Variants in TMEM11 observed in about 807,000 individuals in gnomAD.
TMEM11 encodes transmembrane protein 11, mitochondrial.
TMEM11 carries 1 observed loss-of-function variant against 17.0 expected under a neutral mutation model. The ratio of observed to expected loss-of-function variants is 0.06; its 90% CI spans 0.02 to 0.28. TMEM11 has a LOEUF of 0.28. TMEM11 is among the 10% of genes least tolerant of loss of function. TMEM11 has a pLI of 1.00. For missense variants in TMEM11, 172 were observed against 252.9 expected (o/e 0.68, Z 2.17); for synonymous variants, 122 against 118.1 (o/e 1.03, Z -0.21).
At chr17:21,202,862 A>G (rs1378897209) in intron 1 of TMEM11, among the ~76,000 whole-genome samples, 3 of 152,208 alleles carry the variant, frequency 2.0e-5, no homozygotes, top group African/African-American at 7.2e-5. Flanking sequence ...TCGCCAGCAC[A>G]CATCCTGAGA....
At chr17:21,204,648 A>C (rs1974923306) in intron 1 of TMEM11, among the ~76,000 whole-genome samples, 1 of 152,026 alleles carries the variant, frequency 6.6e-6, no homozygotes, top group African/African-American at 2.4e-5. Flanking sequence ...ACTGGTCACT[A>C]GGGAGGGAAC....
intron 1 of TMEM11, among the ~76,000 whole-genome samples, chr17:21,202,911 T>C (rs1974898284): frequency 6.6e-6 from 1 of 152,202 alleles, no homozygotes; most frequent in Admixed American, 6.5e-5. Flanking sequence ...TGTCAAACCA[T>C]GGCCCCGGCC....
chr17:21,208,933 T>C (rs955923092), intron 1 of TMEM11, among the ~76,000 whole-genome samples: 5 of 152,206 alleles, frequency 3.3e-5, no homozygotes, highest in African/African-American at 1.2e-4. Context: ...TTTCACTTAG[T>C]GAAAGGGTCA....
Position 21,214,088 on chromosome 17 carries a change from C to G in TMEM11, c.62+3G>C. 1 of 1,609,616 alleles carries G rather than the reference C, an allele frequency of 6.2e-7. No homozygotes were observed. The highest frequency in any genetic ancestry group is 8.5e-7 in the Non-Finnish European group (1 of 1,179,088). On this transcript the variant is annotated splice_donor_region_variant and intron_variant, in intron 1 of 1. Coordinates refer to ENST00000317635, the MANE Select transcript of TMEM11 (RefSeq NM_003876.3). ...CTGGGGGCAACAAGCCCTTGGATCT[C>G]ACCTCTCTCGGGCGCTGCCGCCACT...
At chr17:21,207,404 C>T (rs1287932987) in intron 1 of TMEM11, among the ~76,000 whole-genome samples, 2 of 151,948 alleles carry the variant, frequency 1.3e-5, no homozygotes, top group Non-Finnish European at 2.9e-5. Context: ...GTGGTGCATG[C>T]CTGTGGTCCC....
intron 1 of TMEM11, among the ~76,000 whole-genome samples, chr17:21,203,308 T>G (rs1220868245): frequency 6.6e-6 from 1 of 152,162 alleles, no homozygotes; most frequent in African/African-American, 2.4e-5. Context: ...CCTGGTACAC[T>G]GGTGGGAGTG....
chr17:21,207,724 C>T (rs919899244), intron 1 of TMEM11, among the ~76,000 whole-genome samples: 1 of 151,252 alleles, frequency 6.6e-6, no homozygotes, highest in Non-Finnish European at 1.5e-5. Context: ...CCCGTCTCTA[C>T]TAAAAATACA....
rs762355957 is a variant in TMEM11 at position 21,198,372 on chromosome 17, G to A, written c.531C>T (p.Ala177=). 32 of 1,614,208 alleles carry A rather than the reference G, an allele frequency of 2.0e-5. No homozygotes were observed. The East Asian group carries it at 2.0e-4, about 10-fold the overall frequency. Residue 177 remains alanine, a synonymous_variant, in exon 2 of 2, where the codon GCC becomes GCT. Coordinates refer to ENST00000317635, the MANE Select transcript of TMEM11 (RefSeq NM_003876.3). This position sits in a 1 kb window ranked among gnomAD's most constrained non-coding sequence, Gnocchi z 6.5. ...TCTTCTTTACACAGTACACCAGGGC[G>A]GCCAGTGCTATCGTGTTGTGCAGTC... ...RKRLHNTIAL[A]ALVYCVKKIY...
chr17:21,203,172 TA>T (rs1974901022), intron 1 of TMEM11, among the ~76,000 whole-genome samples: 3 of 152,200 alleles, frequency 2.0e-5, no homozygotes, highest in Non-Finnish European at 2.9e-5. Context: ...TAGGATTCTA[TA>T]AGGCAACAGA....
intron 1 of TMEM11, among the ~76,000 whole-genome samples, chr17:21,211,605 C>T (rs1173602045): frequency 6.6e-6 from 1 of 152,230 alleles, no homozygotes; most frequent in Middle Eastern, 3.2e-3. Context: ...CTGGACCATC[C>T]AACACACAGC....
chr17:21,205,909 T>C lies in TMEM11; in HGVS notation c.63-7069A>G, dbSNP rs569262688. ...TTTCTTCCTTTTTAAGGCTCAGTAA[T>C]GTTCCACCGTATGCATAAACCACAT... is the stretch of plus-strand genomic sequence containing the variant. On this transcript the variant is annotated intron_variant, in intron 1 of 1. Coordinates refer to ENST00000317635, the MANE Select transcript of TMEM11 (RefSeq NM_003876.3). 5.1e-4 allele frequency among the ~76,000 whole-genome samples: 77 copies of C among 152,284 alleles called. 1 individual carries two copies. Among genetic ancestry groups the C allele is most frequent in the Admixed American group, 4.5e-3 (69 of 15,280 alleles).
Position 21,198,232 on chromosome 17 carries a change from A to G in TMEM11, c.*92T>C. The G allele has an allele frequency of 6.8e-7, 1 of 1,468,412 alleles. No individual in the cohort carries two copies. The highest frequency in any genetic ancestry group is 1.3e-5 in the South Asian group (1 of 74,542). The allele number at this position is 1,468,412 out of a possible 1,614,324, so 91.0% of individuals were successfully genotyped here. ...CAAATACTAAGCCAAACACCTGCCC[A>G]GGCTCTGCTGCCTCACAGAGTGTGG... On this transcript the variant is annotated 3_prime_UTR_variant, in exon 2 of 2. Transcript: ENST00000317635. This position sits in a 1 kb window ranked among gnomAD's most constrained non-coding sequence, Gnocchi z 6.5.
At chr17:21,200,049 C>G (rs767675631) in intron 1 of TMEM11, among the ~76,000 whole-genome samples, 1 of 152,234 alleles carries the variant, frequency 6.6e-6, no homozygotes, top group Non-Finnish European at 1.5e-5. Flanking sequence ...GCTTTCCCCC[C>G]CGGGACTGGG....
chr17:21,204,536 G>C (rs1409625092), intron 1 of TMEM11, among the ~76,000 whole-genome samples: 1 of 151,694 alleles, frequency 6.6e-6, no homozygotes, highest in Non-Finnish European at 1.5e-5. Flanking sequence ...GTTCAGAAGA[G>C]TGTTTACAGT....
chr17:21,204,408 T>C (rs1597771184), intron 1 of TMEM11, among the ~76,000 whole-genome samples: 1 of 121,732 alleles, frequency 8.2e-6, no homozygotes, highest in Non-Finnish European at 1.6e-5. Context: ...CACTCCAGCG[T>C]GGGCAACAAG....
chr17:21,212,956 G>C (rs1222709107), intron 1 of TMEM11, among the ~76,000 whole-genome samples: 1 of 152,194 alleles, frequency 6.6e-6, no homozygotes, highest in Non-Finnish European at 1.5e-5. Context: ...GGCAACGCTG[G>C]ATAACTGGGC....
chr17:21,212,702 TC>T (rs1193955507), intron 1 of TMEM11, among the ~76,000 whole-genome samples: 17 of 152,252 alleles, frequency 1.1e-4, no homozygotes, highest in Admixed American at 9.8e-4. Flanking sequence ...GCATCCCTAT[TC>T]GGCTCTTTTC....
At chr17:21,213,765 C>T (rs1313758761) in intron 1 of TMEM11, 1 of 334,424 alleles carries the variant, frequency 3.0e-6, no homozygotes, top group African/African-American at 2.2e-5. Context: ...CCGATCGGCC[C>T]GCGGGCAGCT....
At chr17:21,210,319 G>T (rs1974988486) in intron 1 of TMEM11, among the ~76,000 whole-genome samples, 1 of 152,170 alleles carries the variant, frequency 6.6e-6, no homozygotes, top group Non-Finnish European at 1.5e-5. Context: ...TCCAACTTCT[G>T]CGGCCAGAAC....
Sources: gnomAD v4.1 joint callset for allele counts (sites outside exome capture counted in the v4.1 genomes callset) on GRCh38, gnomAD v4.1.1 for gene constraint, Gnocchi (gnomAD v3.1) non-coding constraint, MANE v1.5 for transcripts, NCBI Gene and HGNC (gene_info 2026-07-23, HGNC 2026-07-21) for gene names.